NECAP1: variants seen among roughly 807,000 people sequenced by gnomAD.
NECAP1 encodes adaptin ear-binding coat-associated protein 1.
Under a neutral mutation model 33.4 loss-of-function variants are expected in NECAP1, and 13 were observed. The observed-to-expected ratio is 0.39, with a 90% CI of 0.25 to 0.62. NECAP1 has a LOEUF of 0.62. Ranked by LOEUF, NECAP1 falls within the 20% of genes least tolerant of loss-of-function variation. NECAP1 has a pLI of 0.52. For synonymous variants in NECAP1, 109 were observed against 125.2 expected (o/e 0.87, Z 0.86); for missense variants, 272 against 347.4 (o/e 0.78, Z 1.73).
At position 8,090,014 on chromosome 12, in the gene NECAP1, C is replaced by A. The variant is rs756262951; in HGVS notation, c.174C>A (p.Ile58=). Reference sequence around the variant, plus strand: ...CTTCAAAAGGGAAGACTGCCTATATCAAACTCGAGGATAAAGTTTCAGGTA... The same window carrying A: ...CTTCAAAAGGGAAGACTGCCTATATAAAACTCGAGGATAAAGTTTCAGGTA... The part of the protein sequence containing the change: ...RITSKGKTAY[I]KLEDKVSGEL... Residue 58 remains isoleucine (I), a synonymous_variant, in exon 2 of 8, where the codon ATC becomes ATA. Transcript: ENST00000339754. 6.2e-7 allele frequency: 1 copy of A among 1,614,062 alleles called. No individual in the cohort carries two copies. The highest frequency in any genetic ancestry group is 2.2e-5 in the East Asian group (1 of 44,882).
chr12:8,082,343 G>T lies in NECAP1; in HGVS notation c.55G>T (p.Val19Phe). 6.2e-7 allele frequency: 1 copy of T among 1,613,752 alleles called. No individual in the cohort carries two copies. Among genetic ancestry groups the T allele is most frequent in the African/African-American group, 1.3e-5 (1 of 75,028 alleles). ...SVLCVKPDVS[V>F]YRIPPRASNR... ...GCTGTGTGTGAAGCCAGACGTCAGC[G>T]TCTACCGGATTCCGCCCCGGGCCTC... Residue 19 changes from valine to phenylalanine, a missense_variant, in exon 1 of 8, where the codon GTC becomes TTC. Coordinates refer to ENST00000339754, the MANE Select transcript of NECAP1 (RefSeq NM_015509.4).
intron 6 of NECAP1, chr12:8,093,786 C>T (rs1055744858): frequency 6.6e-6 from 1 of 151,994 alleles, no homozygotes; most frequent in African/African-American, 2.4e-5. Flanking sequence ...AAAATAATTA[C>T]CACCCCAAGG....
Position 8,093,025 on chromosome 12 carries a change from C to A in NECAP1, c.646C>A (p.Pro216Thr), listed in dbSNP as rs1439031623. Residue 216 changes from proline to threonine, a missense_variant, in exon 6 of 8, where the codon CCG becomes ACG. Transcript: ENST00000339754. ...ISNHVTPPPIPKSNHGGSDAD... is the reference protein window; with the variant it reads ...ISNHVTPPPITKSNHGGSDAD... ...CAATCATGTCACCCCACCACCCATT[C>A]CGAAATCTAACCATGGAGGCAGTGA... 1 of 1,614,130 alleles carries A rather than the reference C, an allele frequency of 6.2e-7. No homozygotes were observed. The highest frequency in any genetic ancestry group is 1.1e-5 in the South Asian group (1 of 91,082).
intron 3 of NECAP1, 59 bp from the exon 4 acceptor site, chr12:8,091,710 G>T: frequency 6.6e-7 from 1 of 1,505,324 alleles, no homozygotes. Flanking sequence ...GGTGCCGGGG[G>T]TTGGGGGCTC....
chr12:8,096,558 A>G lies in NECAP1; in HGVS notation c.*468A>G, dbSNP rs1383402325. On this transcript the variant is annotated 3_prime_UTR_variant, in exon 8 of 8. Transcript: ENST00000339754. ...CACTAACCCAGGACTAAAAATGGAC[A>G]GGCTGACCTCAGTGTTTACAAATTC... is the stretch of plus-strand genomic sequence containing the variant. The G allele has an allele frequency of 6.5e-6, 1 of 154,722 alleles. No individual in the cohort carries two copies. The highest frequency in any genetic ancestry group is 6.4e-5 in the Admixed American group (1 of 15,544). The allele number at this position is 154,722 out of a possible 1,614,324, so 9.6% of individuals were successfully genotyped here.
intron 1 of NECAP1, among the ~76,000 whole-genome samples, chr12:8,084,297 A>C (rs1341359735): frequency 6.6e-6 from 1 of 152,086 alleles, no homozygotes; most frequent in Non-Finnish European, 1.5e-5. Context: ...AACTGACCCT[A>C]AGTAGAAATC....
intron 1 of NECAP1, among the ~76,000 whole-genome samples, chr12:8,083,476 C>T (rs2120453856): frequency 7.6e-6 from 1 of 130,892 alleles, no homozygotes; most frequent in Non-Finnish European, 1.6e-5. Flanking sequence ...GTTGCCCAGG[C>T]CGGAGCGCAA....
rs749879963 is a variant in NECAP1, at chr12:8,085,309, C to T, written c.95+2926C>T. 7.6e-4 allele frequency among the ~76,000 whole-genome samples: 116 copies of T among 152,336 alleles called. No individual in the cohort carries two copies. The Middle Eastern group carries it at 0.017, about 22-fold the overall frequency. On this transcript the variant is annotated intron_variant, in intron 1 of 7. Transcript: ENST00000339754. The stretch of plus-strand genomic sequence containing the variant: ...CTGGGATTACAGGCGTGAGCCACCG[C>T]ACCCGGCCTACTTCAAGCTTTTTAA...
intron 1 of NECAP1, among the ~76,000 whole-genome samples, chr12:8,084,189 A>G (rs1380792229): frequency 3.9e-5 from 6 of 152,040 alleles, no homozygotes; most frequent in Non-Finnish European, 8.8e-5. Context: ...ATGAATCAAT[A>G]TTTTTATGCT....
intron 6 of NECAP1, 85 bp downstream of exon 6, chr12:8,093,140 T>A: frequency 7.1e-7 from 1 of 1,400,464 alleles, no homozygotes; most frequent in Non-Finnish European, 1.0e-6. Flanking sequence ...GTTAATGTTT[T>A]TGCTATGAAA....
intron 3 of NECAP1, 52 bp downstream of exon 3, chr12:8,090,351 C>A: frequency 6.9e-7 from 1 of 1,447,026 alleles, no homozygotes; most frequent in Non-Finnish European, 9.7e-7. Flanking sequence ...CAGGTGAATG[C>A]ACAGCCATGA....
chr12:8,094,085 A>G (rs1279386994), intron 6 of NECAP1, among the ~76,000 whole-genome samples: 1 of 152,192 alleles, frequency 6.6e-6, no homozygotes, highest in East Asian at 1.9e-4. Flanking sequence ...AATGTATTGG[A>G]CAGTGCAGAT....
At position 8,092,897 on chromosome 12, in the gene NECAP1, C is replaced by T. The variant is rs770195923; in HGVS notation, c.518C>T (p.Ala173Val). 8.3e-6 allele frequency: 13 copies of T among 1,572,668 alleles called. No homozygotes were observed. The highest frequency in any genetic ancestry group is 6.8e-5 in the African/African-American group (5 of 73,244). The change falls in exon 6 of 8, where the codon GCT becomes GTT. Residue 173 changes from alanine (A) to valine (V), a missense_variant. Coordinates refer to ENST00000339754, the MANE Select transcript of NECAP1 (RefSeq NM_015509.4). ...IGNITNKKGG[A>V]SKPRTARGGG... ...AACATTACAAACAAGAAAGGAGGTG[C>T]TTCTAAGCCCAGGACTGCAAGGGGT...
rs760298202 is a variant in NECAP1, at chr12:8,090,078, T to A, written c.196+42T>A. On this transcript the variant is annotated intron_variant, in intron 2 of 7. Coordinates refer to ENST00000339754, the MANE Select transcript of NECAP1 (RefSeq NM_015509.4). ...ACCCTCTAACATTAAGAATATTAAT[T>A]TGGTGTGCTTTTATAAGTACCTTCA... 1.9e-6 allele frequency: 3 copies of A among 1,585,468 alleles called. No individual in the cohort carries two copies. The South Asian group carries it at 3.3e-5, about 18-fold the overall frequency.
At chr12:8,091,516 A>T (rs191838551) in intron 3 of NECAP1, 24 of 496,846 alleles carry the variant, frequency 4.8e-5, no homozygotes, top group African/African-American at 4.7e-4. Flanking sequence ...GATCCCTCAC[A>T]TGTGCAGTTC....
chr12:8,094,912 C>G (rs937588352), intron 6 of NECAP1, among the ~76,000 whole-genome samples: 2 of 152,222 alleles, frequency 1.3e-5, no homozygotes, highest in African/African-American at 2.4e-5. Context: ...CCATTCCTAA[C>G]GCTTGGCAAT....
chr12:8,089,738 G>T, intron 1 of NECAP1, 198 bp from the exon 2 acceptor site: 1 of 544,506 alleles, frequency 1.8e-6, no homozygotes, highest in Non-Finnish European at 3.3e-6. Context: ...AAGTCCTCAA[G>T]TAGTAGCATT....
chr12:8,085,859 A>G (rs915779200), intron 1 of NECAP1, among the ~76,000 whole-genome samples: 1 of 151,932 alleles, frequency 6.6e-6, no homozygotes, highest in Admixed American at 6.6e-5. Context: ...GTGCACTGCC[A>G]TGCTTGGCTA....
At chr12:8,095,235 A>ATTTTTTTTTTTTTTTTTTTT in intron 6 of NECAP1, 1 of 112,354 alleles carries the variant, frequency 8.9e-6, no homozygotes, top group Non-Finnish European at 1.7e-5. Context: ...CATCTCCAAG[A>ATTTTTTTTTTTTTTTTTTTT]TTTTTTTTTT....
Sources: gnomAD v4.1 joint callset for allele counts (sites outside exome capture counted in the v4.1 genomes callset) on GRCh38, gnomAD v4.1.1 for gene constraint, MANE v1.5 for transcripts, NCBI Gene and HGNC (gene_info 2026-07-23, HGNC 2026-07-21) for gene names.